Variants in ROBO3 observed in about 807,000 individuals in gnomAD.
The protein encoded by ROBO3 is roundabout guidance receptor 3.
Under a neutral mutation model 160.5 loss-of-function variants are expected in ROBO3, and 97 were observed. The observed-to-expected ratio is 0.60, with a 90% confidence interval of 0.51 to 0.72. The LOEUF is 0.72. ROBO3 is among the 30% of genes least tolerant of loss of function. The pLI is 0.00. For synonymous variants in ROBO3, 780 were observed against 746.2 expected (o/e 1.05, Z -0.74); for missense variants, 1,858 against 1,846.5 (o/e 1.01, Z -0.11).
Position 124,876,723 on chromosome 11 carries a change from T to C in ROBO3, c.2779+263T>C. On this transcript the variant is annotated intron_variant, in intron 17 of 27. Transcript: ENST00000397801. The surrounding 1 kb of genome is among the most constrained non-coding windows in gnomAD (Gnocchi z 5.3). The stretch of plus-strand genomic sequence containing the variant: ...ACGAGGAGGCCAGGCTTTGCAACCA[T>C]CTCCATAAAGAAGGGGCAAGTTCGA... 1 of 262,682 alleles carries C rather than the reference T, an allele frequency of 3.8e-6. No individual in the cohort carries two copies. The highest frequency in any genetic ancestry group is 7.0e-6 in the Non-Finnish European group (1 of 142,196). 16.3% of individuals were successfully genotyped at this position (262,682 alleles called of 1,614,324 possible). A position where few individuals can be genotyped will look rare whatever the true frequency, so the allele number is the denominator to read the frequency against.
At position 124,865,601 on chromosome 11, in the gene ROBO3, G is replaced by C. The variant is rs893236620; in HGVS notation, c.24G>C (p.Thr8=). Residue 8 remains threonine (T), a synonymous_variant, in exon 1 of 28, where the codon ACG becomes ACC. Coordinates refer to ENST00000397801, the MANE Select transcript of ROBO3 (RefSeq NM_022370.4). This position sits in a 1 kb window ranked among gnomAD's most constrained non-coding sequence, Gnocchi z 5.5. ...CCATGCTGCGCTACCTGCTGAAAACGCTGCTGCAGATGAACTTGTTCGCGG... is the reference window on the plus strand; with the variant it reads ...CCATGCTGCGCTACCTGCTGAAAACCCTGCTGCAGATGAACTTGTTCGCGG... MLRYLLK[T]LLQMNLFADS... 1.9e-6 allele frequency: 3 copies of C among 1,612,532 alleles called. No homozygotes were observed. In the East Asian group the frequency reaches 6.7e-5, roughly 36 times the overall value.
rs759523344 is a variant in ROBO3 at position 124,878,006 on chromosome 11, A to G, written c.3056A>G (p.Tyr1019Cys). 224 of 1,612,040 alleles carry G rather than the reference A, an allele frequency of 1.4e-4. No individual in the cohort carries two copies. The highest frequency in any genetic ancestry group is 1.7e-4 in the Non-Finnish European group (206 of 1,179,124). ...GTAAPGEGPV[Y>C]STIDPAGEEL... is the part of the protein sequence containing the mutation. ...GCCGCCCCTGGCGAGGGTCCTGTCT[A>G]TAGCACCATTGACCCAGCGGGGGAG... The change falls in exon 21 of 28, where the codon TAT becomes TGT. Residue 1019 changes from tyrosine (Y) to cysteine (C), a missense_variant. Tyr to Cys is a radical substitution (Grantham distance 194, BLOSUM62 -2). Transcript: ENST00000397801. The surrounding 1 kb of genome is among the most constrained non-coding windows in gnomAD (Gnocchi z 4.3).
Position 124,872,457 on chromosome 11 carries a change from C to T in ROBO3, c.1235C>T (p.Thr412Ile), listed in dbSNP as rs537387358. The part of the protein sequence containing the change: ...SVSPRGQLNI[T>I]AVQRGDAGYY... ...TCTCCAAGAGGCCAACTTAACATCA[C>T]CGCGGTGCAGCGTGGGGATGCTGGG... The change falls in exon 8 of 28, where the codon ACC (threonine) becomes ATC (isoleucine). Residue 412 changes from threonine (T) to isoleucine (I), a missense_variant. Physicochemically the swap from Thr to Ile is moderately conservative, Grantham distance 89. Transcript: ENST00000397801. This position sits in a 1 kb window ranked among gnomAD's most constrained non-coding sequence, Gnocchi z 4.3. 103 of 1,613,992 alleles carry T rather than the reference C, an allele frequency of 6.4e-5. No individual in the cohort carries two copies. The South Asian group carries it at 1.1e-3, about 17-fold the overall frequency.
At chr11:124,868,756 CCA>C in intron 1 of ROBO3, 44 bp from the exon 2 acceptor site, 1 of 1,541,790 alleles carries the variant, frequency 6.5e-7, no homozygotes, top group Non-Finnish European at 8.8e-7. Context: ...CAATCTCTCC[CCA>C]CAATTTCCCT....
In ROBO3 at chr11:124,878,943, G is replaced by A. The variant is rs1217272671; in HGVS notation, c.3533+147G>A. On this transcript the variant is annotated intron_variant, in intron 23 of 27. Transcript: ENST00000397801. The surrounding 1 kb of genome is among the most constrained non-coding windows in gnomAD (Gnocchi z 4.3). ...GTGTCAGGGTGGAAGTGTAATTTGG[G>A]CAGGAATATGGAGGCTGACAAGATC... is the stretch of plus-strand genomic sequence containing the variant. 7 of 820,594 alleles carry A rather than the reference G, an allele frequency of 8.5e-6. No homozygotes were observed. The highest frequency in any genetic ancestry group is 2.5e-4 in the Middle Eastern group (1 of 3,950). The allele number at this position is 820,594 out of a possible 1,614,324, so 50.8% of individuals were successfully genotyped here.
At chr11:124,880,899 C>T (rs1946565302) in intron 27 of ROBO3, among the ~76,000 whole-genome samples, 1 of 151,892 alleles carries the variant, frequency 6.6e-6, no homozygotes, top group South Asian at 2.1e-4. Context: ...ACAAAAAATA[C>T]AAAATTAGCT....
intron 7 of ROBO3, 47 bp downstream of exon 7, chr11:124,871,185 C>A (rs1359040077): frequency 6.4e-7 from 1 of 1,566,502 alleles, no homozygotes; most frequent in African/African-American, 1.3e-5. Context: ...TCCTCTGCGG[C>A]TCAGCCTCCC....
At position 124,878,041 on chromosome 11, in the gene ROBO3, A is replaced by G. The variant is rs886047909; in HGVS notation, c.3091A>G (p.Thr1031Ala). Residue 1031 changes from threonine to alanine, a missense_variant, in exon 21 of 28, where the codon ACC becomes GCC. Physicochemically the swap from Thr to Ala is moderately conservative, Grantham distance 58 (BLOSUM62 0). Transcript: ENST00000397801. This position sits in a 1 kb window ranked among gnomAD's most constrained non-coding sequence, Gnocchi z 4.3. ...TIDPAGEELQ[T>A]FHGGFPQHPS... ...TGACCCAGCGGGGGAGGAGCTGCAG[A>G]CCTTCCATGGGGGCTTCCCCCAACA... is the stretch of plus-strand genomic sequence containing the variant. 1.9e-6 allele frequency: 3 copies of G among 1,612,284 alleles called. No individual in the cohort carries two copies. Among genetic ancestry groups the G allele is most frequent in the Non-Finnish European group, 2.5e-6 (3 of 1,179,334 alleles).
chr11:124,873,086 G>A lies in ROBO3; in HGVS notation c.1533G>A (p.Val511=). ...MANGTLYIAN[V]QEMDMGFYSC... is the part of the protein sequence containing the mutation. ...ACGGTACCCTGTACATCGCCAATGT[G>A]CAGGTGAGTGTCACCCCTGGGGCCC... The change falls in exon 9 of 28, where the codon GTG becomes GTA. Residue 511 remains valine (V), a synonymous_variant. Coordinates refer to ENST00000397801, the MANE Select transcript of ROBO3 (RefSeq NM_022370.4). The surrounding 1 kb of genome is among the most constrained non-coding windows in gnomAD (Gnocchi z 4.5). 9.3e-6 allele frequency: 15 copies of A among 1,612,768 alleles called. No homozygotes were observed. The highest frequency in any genetic ancestry group is 1.3e-5 in the Non-Finnish European group (15 of 1,179,132).
At position 124,879,288 on chromosome 11, in the gene ROBO3, C is replaced by T. The variant is rs747963380; in HGVS notation, c.3632C>T (p.Ala1211Val). The T allele has an allele frequency of 2.5e-6, 4 of 1,599,368 alleles. No individual in the cohort carries two copies. In the South Asian group the frequency reaches 4.5e-5, roughly 18 times the overall value. The change falls in exon 24 of 28, where the codon GCC becomes GTC. Residue 1211 changes from alanine (A) to valine (V), a missense_variant. Transcript: ENST00000397801. ...RPAGLGAGPA[A>V]SPHLSPSPAP... ...GCTGGCTTGGGTGCTGGCCCTGCAGCCTCACCCCACCTCAGCCCCAGTCCT... is the reference window on the plus strand; with the variant it reads ...GCTGGCTTGGGTGCTGGCCCTGCAGTCTCACCCCACCTCAGCCCCAGTCCT...
rs1365122590 is a variant in ROBO3 at position 124,876,812 on chromosome 11, C to G, written c.2780-349C>G. The G allele has an allele frequency of 1.3e-5, 7 of 525,612 alleles. No individual in the cohort carries two copies. Among genetic ancestry groups the G allele is most frequent in the African/African-American group, 1.1e-4 (6 of 52,278 alleles). The allele number at this position is 525,612 out of a possible 1,614,324, so 32.6% of individuals were successfully genotyped here. A position where few individuals can be genotyped will look rare whatever the true frequency, so the allele number is the denominator to read the frequency against. ...GGCAAGAGGGGGTGTGGCCAGGATC[C>G]CAGGCAGTAAATTGTGCGGCGGGGT... is the stretch of plus-strand genomic sequence containing the variant. On this transcript the variant is annotated intron_variant, in intron 17 of 27. Transcript: ENST00000397801. The surrounding 1 kb of genome is among the most constrained non-coding windows in gnomAD (Gnocchi z 5.3).
intron 1 of ROBO3, chr11:124,868,555 G>A: frequency 1.6e-6 from 1 of 626,232 alleles, no homozygotes; most frequent in Non-Finnish European, 2.9e-6. Context: ...CGGCCTAGAA[G>A]TTTGTGTCCC....
chr11:124,878,228 C>G lies in ROBO3; in HGVS notation c.3182-70C>G. 1 of 1,586,080 alleles carries G rather than the reference C, an allele frequency of 6.3e-7. No homozygotes were observed. Among genetic ancestry groups the G allele is most frequent in the Non-Finnish European group, 8.6e-7 (1 of 1,162,612 alleles). ...CCCTCTGGCACCTAGCCCGGCACTT[C>G]CTTCTGACCTGTCTCATCTCTGGCT... On this transcript the variant is annotated intron_variant, in intron 21 of 27. Coordinates refer to ENST00000397801, the MANE Select transcript of ROBO3 (RefSeq NM_022370.4). The surrounding 1 kb of genome is among the most constrained non-coding windows in gnomAD (Gnocchi z 4.3).
chr11:124,877,983 C>G lies in ROBO3; in HGVS notation c.3033C>G (p.Ala1011=). Reference sequence around the variant, plus strand: ...TAGCTCAGACGGCCAGGGGCACGGCCGCCCCTGGCGAGGGTCCTGTCTATA... The same window carrying G: ...TAGCTCAGACGGCCAGGGGCACGGCGGCCCCTGGCGAGGGTCCTGTCTATA... The part of the protein sequence containing the change: ...LYLAQTARGT[A]APGEGPVYST... The change falls in exon 21 of 28, where the codon GCC becomes GCG. Residue 1011 remains alanine, a synonymous_variant. Transcript: ENST00000397801. The G allele has an allele frequency of 6.2e-7, 1 of 1,610,828 alleles. No homozygotes were observed. Among genetic ancestry groups the G allele is most frequent in the African/African-American group, 1.3e-5 (1 of 74,986 alleles).
At position 124,881,394 on chromosome 11, in the gene ROBO3, C is replaced by G. The variant is rs1270262218; in HGVS notation, c.*144C>G. 2.0e-5 allele frequency: 15 copies of G among 753,736 alleles called. No individual in the cohort carries two copies. The allele number at this position is 753,736 out of a possible 1,614,324, so 46.7% of individuals were successfully genotyped here. The stretch of plus-strand genomic sequence containing the variant: ...ATTGGCTGAGAAGGCAGAGAGCTAG[C>G]TCCTCCCTTTCTTTCTTTTTCCACC... On this transcript the variant is annotated 3_prime_UTR_variant, in exon 28 of 28. Transcript: ENST00000397801.
At chr11:124,866,029 G>T (rs1475099539) in intron 1 of ROBO3, among the ~76,000 whole-genome samples, 3 of 152,160 alleles carry the variant, frequency 2.0e-5, no homozygotes, top group Non-Finnish European at 4.4e-5. Context: ...CTGGTAACGG[G>T]CAGGGAAGTC....
chr11:124,869,526 G>T lies in ROBO3; in HGVS notation c.564G>T (p.Val188=), dbSNP rs1489834707. ...AVGEPAVLEC[V]PPRGHPEPSV... is the part of the protein sequence containing the mutation. ...GGGAGCCAGCAGTACTGGAATGCGT[G>T]CCCCCCCGCGGCCACCCGGAGCCTT... The change falls in exon 3 of 28, where the codon GTG becomes GTT. Residue 188 remains valine, a synonymous_variant. Transcript: ENST00000397801. The surrounding 1 kb of genome is among the most constrained non-coding windows in gnomAD (Gnocchi z 4.2). 1.9e-6 allele frequency: 3 copies of T among 1,560,722 alleles called. No individual in the cohort carries two copies. The highest frequency in any genetic ancestry group is 1.7e-6 in the Non-Finnish European group (2 of 1,152,350).
Position 124,872,507 on chromosome 11 carries a change from G to A in ROBO3, c.1285G>A (p.Val429Met). ...AGYYVCQAVS[V>M]AGSILAKALL... is the part of the protein sequence containing the mutation. ...GTACTACGTGTGCCAGGCTGTCAGT[G>A]TGGCTGGCAGCATCCTGGCCAAGGC... is the stretch of plus-strand genomic sequence containing the variant. Residue 429 changes from valine to methionine, a missense_variant, in exon 8 of 28, where the codon GTG becomes ATG. Transcript: ENST00000397801. This position sits in a 1 kb window ranked among gnomAD's most constrained non-coding sequence, Gnocchi z 4.3. The A allele has an allele frequency of 1.9e-6, 3 of 1,613,990 alleles. No individual in the cohort carries two copies. The highest frequency in any genetic ancestry group is 2.5e-6 in the Non-Finnish European group (3 of 1,179,868).
intron 20 of ROBO3, 28 bp from the exon 21 acceptor site, chr11:124,877,906 GCTT>G: frequency 6.8e-7 from 1 of 1,473,694 alleles, no homozygotes; most frequent in Middle Eastern, 1.7e-4. Flanking sequence ...TTCTGTCTCT[GCTT>G]CCGGGCCTCC....
Sources: gnomAD v4.1 joint callset for allele counts (sites outside exome capture counted in the v4.1 genomes callset) on GRCh38, gnomAD v4.1.1 for gene constraint, Gnocchi (gnomAD v3.1) non-coding constraint, MANE v1.5 for transcripts, NCBI Gene and HGNC (gene_info 2026-07-23, HGNC 2026-07-21) for gene names.